HS3ST4: variants seen among roughly 807,000 people sequenced by gnomAD.
The protein encoded by HS3ST4 is heparan sulfate-glucosamine 3-sulfotransferase 4.
HS3ST4 carries 17 observed loss-of-function variants against 29.2 expected under a neutral mutation model. That is an observed-to-expected ratio of 0.58 (90% confidence interval 0.40 to 0.87). The LOEUF (loss-of-function observed/expected upper bound fraction) is 0.87, where lower values mean the gene tolerates loss of function less well. Among genes scored for constraint, HS3ST4 ranks in the 40% least tolerant of loss-of-function variants. The probability of loss-of-function intolerance (pLI) is 0.00; values close to 1 mark genes in which losing one functional copy is unlikely to be tolerated. For synonymous variants in HS3ST4, 314 were observed against 285.7 expected (o/e 1.10, Z -1.00); for missense variants, 627 against 634.5 (o/e 0.99, Z 0.13).
At chr16:25,770,205 C>T (rs1391583490) in intron 1 of HS3ST4, among the ~76,000 whole-genome samples, 1 of 152,170 alleles carries the variant, frequency 6.6e-6, no homozygotes, top group Non-Finnish European at 1.5e-5. Flanking sequence ...ATGCTTTCAA[C>T]AAGAGATGAA....
chr16:25,701,975 C>T (rs1212909122), intron 1 of HS3ST4, among the ~76,000 whole-genome samples: 1 of 152,164 alleles, frequency 6.6e-6, no homozygotes, highest in Non-Finnish European at 1.5e-5. Flanking sequence ...ATATCTATTT[C>T]TGATTTTCAG....
At chr16:25,930,249 G>C (rs541873199) in intron 1 of HS3ST4, among the ~76,000 whole-genome samples, 75 of 152,304 alleles carry the variant, frequency 4.9e-4, no homozygotes, top group African/African-American at 1.8e-3. Flanking sequence ...CTGCATGGAA[G>C]TGGCCTCACC....
In HS3ST4 at chr16:25,895,732, AAGAGGGAAAG is replaced by A. The variant is rs1189603775; in HGVS notation, c.734+202586_734+202595del. On this transcript the variant is annotated intron_variant, in intron 1 of 1. Transcript: ENST00000331351. ...GCTGTATACTCACACAGCAGAGGGA[AAGAGGGAAAG>A]AGAGAGAGAGAGAGAGAGATCATCT... is the stretch of plus-strand genomic sequence containing the variant. 2.8e-3 allele frequency among the ~76,000 whole-genome samples: 364 copies of A among 131,976 alleles called. 1 individual carries two copies. Among genetic ancestry groups the A allele is most frequent in the African/African-American group, 9.8e-3 (353 of 35,984 alleles). The allele number at this position is 131,976 out of a possible 152,430, so 86.6% of individuals were successfully genotyped here. A position where few individuals can be genotyped will look rare whatever the true frequency, so the allele number is the denominator to read the frequency against.
intron 1 of HS3ST4, among the ~76,000 whole-genome samples, chr16:25,946,154 T>C (rs1968624227): frequency 1.3e-5 from 2 of 152,162 alleles, no homozygotes; most frequent in Non-Finnish European, 2.9e-5. Flanking sequence ...GTAGACAACC[T>C]GTCGAGAGAG....
chr16:26,080,911 A>G (rs762862152), intron 1 of HS3ST4, among the ~76,000 whole-genome samples: 10 of 152,182 alleles, frequency 6.6e-5, no homozygotes, highest in Non-Finnish European at 1.3e-4. Flanking sequence ...CATCTTGCTC[A>G]TCAAAGTGCG....
chr16:25,991,383 A>G (rs1969112521), intron 1 of HS3ST4, among the ~76,000 whole-genome samples: 1 of 152,196 alleles, frequency 6.6e-6, no homozygotes. Flanking sequence ...CTGTGTTGAC[A>G]CCTACTGAAA....
intron 1 of HS3ST4, among the ~76,000 whole-genome samples, chr16:26,007,350 C>G (rs1304466916): frequency 6.6e-6 from 1 of 152,136 alleles, no homozygotes; most frequent in Non-Finnish European, 1.5e-5. Context: ...GAAGCTTACC[C>G]CTTAGCACCA....
chr16:25,731,786 C>A (rs1330272089), intron 1 of HS3ST4, among the ~76,000 whole-genome samples: 1 of 152,190 alleles, frequency 6.6e-6, no homozygotes, highest in Non-Finnish European at 1.5e-5. Context: ...CACACTGCCA[C>A]AGTCACACAG....
At chr16:25,962,369 G>A (rs1465690511) in intron 1 of HS3ST4, among the ~76,000 whole-genome samples, 4 of 152,158 alleles carry the variant, frequency 2.6e-5, no homozygotes, top group African/African-American at 9.7e-5. Flanking sequence ...AGAGACCTGA[G>A]TTCAAATCCC....
At chr16:25,915,827 C>T (rs1184344431) in intron 1 of HS3ST4, among the ~76,000 whole-genome samples, 1 of 152,168 alleles carries the variant, frequency 6.6e-6, no homozygotes, top group African/African-American at 2.4e-5. Flanking sequence ...TTAAAATAGA[C>T]TCAGCTTCTG....
chr16:26,048,313 G>A (rs1399371424), intron 1 of HS3ST4, among the ~76,000 whole-genome samples: 1 of 152,182 alleles, frequency 6.6e-6, no homozygotes, highest in East Asian at 1.9e-4. Flanking sequence ...GTCTATAATA[G>A]TCTAGAGCCA....
chr16:26,110,481 T>C (rs1035472483), intron 1 of HS3ST4, among the ~76,000 whole-genome samples: 1 of 152,228 alleles, frequency 6.6e-6, no homozygotes, highest in African/African-American at 2.4e-5. Context: ...GTAAATATTT[T>C]ATTCTTCCAG....
intron 1 of HS3ST4, among the ~76,000 whole-genome samples, chr16:25,909,813 C>T (rs1289614792): frequency 6.6e-6 from 1 of 152,198 alleles, no homozygotes; most frequent in Non-Finnish European, 1.5e-5. Flanking sequence ...AGGGTCAGTA[C>T]AGGCTCAGAT....
At chr16:25,740,948 A>G (rs1028434700) in intron 1 of HS3ST4, among the ~76,000 whole-genome samples, 11 of 152,150 alleles carry the variant, frequency 7.2e-5, no homozygotes, top group Admixed American at 1.3e-4. Flanking sequence ...GACATAGTGA[A>G]ATTTCTCATT....
intron 1 of HS3ST4, among the ~76,000 whole-genome samples, chr16:25,835,540 A>G (rs1476782189): frequency 6.6e-6 from 1 of 152,172 alleles, no homozygotes; most frequent in Non-Finnish European, 1.5e-5. Context: ...TGTACCTACC[A>G]TGTGCCATCA....
chr16:25,998,453 G>T (rs932003816), intron 1 of HS3ST4, among the ~76,000 whole-genome samples: 1 of 152,142 alleles, frequency 6.6e-6, no homozygotes, highest in Admixed American at 6.6e-5. Flanking sequence ...TGAGTTAGTC[G>T]TTGAATAGCT....
At chr16:25,977,762 G>A (rs1007060222) in intron 1 of HS3ST4, among the ~76,000 whole-genome samples, 5 of 152,174 alleles carry the variant, frequency 3.3e-5, no homozygotes, top group South Asian at 2.1e-4. Context: ...AATTAAAGCC[G>A]TAGCAACCAC....
At chr16:25,857,386 GA>G (rs1179375296) in intron 1 of HS3ST4, among the ~76,000 whole-genome samples, 2 of 152,192 alleles carry the variant, frequency 1.3e-5, no homozygotes, top group Non-Finnish European at 2.9e-5. Context: ...TTGTTGGAAG[GA>G]TGGGAGTGAT....
chr16:26,064,546 A>C (rs1898519769), intron 1 of HS3ST4, among the ~76,000 whole-genome samples: 1 of 151,144 alleles, frequency 6.6e-6, no homozygotes, highest in South Asian at 2.1e-4. Context: ...TAGTTCAGAT[A>C]GATTTATGGT....
Sources: allele counts gnomAD v4.1 joint callset (sites outside exome capture counted in the v4.1 genomes callset), GRCh38; gene constraint gnomAD v4.1.1; transcripts MANE v1.5; gene names NCBI Gene and HGNC (gene_info 2026-07-23, HGNC 2026-07-21).